Variants in DOCK1 observed in about 807,000 individuals in gnomAD.
DOCK1 encodes dedicator of cytokinesis protein 1.
DOCK1 carries 138 observed loss-of-function variants against 262.7 expected under a neutral mutation model. The ratio of observed to expected loss-of-function variants is 0.53; its 90% CI spans 0.46 to 0.61. The LOEUF (loss-of-function observed/expected upper bound fraction) is 0.61. DOCK1 is among the 20% of genes least tolerant of loss of function. The pLI, the probability that DOCK1 is intolerant of heterozygous loss-of-function variation, is 0.00. For missense variants in DOCK1, 1,908 were observed against 2,370.7 expected (o/e 0.80, Z 4.05); for synonymous variants, 866 against 867.4 (o/e 1.00, Z 0.03).
rs111805906 is a variant in DOCK1 at position 127,239,402 on chromosome 10, A to G, written c.2848-8606A>G. Among the ~76,000 whole-genome samples, 11 of 152,280 alleles carry G rather than the reference A, an allele frequency of 7.2e-5. 1 individual carries two copies. Among genetic ancestry groups the G allele is most frequent in the African/African-American group, 2.6e-4 (11 of 41,566 alleles). Reference sequence around the variant, plus strand: ...CATTTATTTAATGTTTTAATACTTTATAATACTTAAGTATCATCATAAACA... The same window carrying G: ...CATTTATTTAATGTTTTAATACTTTGTAATACTTAAGTATCATCATAAACA... On this transcript the variant is annotated intron_variant, in intron 27 of 51. Coordinates refer to ENST00000623213, the MANE Select transcript of DOCK1 (RefSeq NM_001290223.2).
In DOCK1 at chr10:127,439,074, A is replaced by G; in HGVS notation, c.5108A>G (p.Gln1703Arg). Reference protein sequence around the residue: ...LLPKKMHSRSQDKLDKDDLEK... With the variant: ...LLPKKMHSRSRDKLDKDDLEK... Reference sequence around the variant, plus strand: ...CCAAAGAAAATGCACTCCAGGTCCCAGGACAAGCTGGACAAGGATGACCTG... The same window carrying G: ...CCAAAGAAAATGCACTCCAGGTCCCGGGACAAGCTGGACAAGGATGACCTG... Residue 1703 changes from glutamine to arginine, a missense_variant, in exon 49 of 52, where the codon CAG becomes CGG. Transcript: ENST00000623213. 6.4e-7 allele frequency: 1 copy of G among 1,558,436 alleles called. No homozygotes were observed.
chr10:127,398,667 T>G (rs1024874095), intron 38 of DOCK1, among the ~76,000 whole-genome samples: 1 of 152,214 alleles, frequency 6.6e-6, no homozygotes, highest in Non-Finnish European at 1.5e-5. Context: ...TAGAAGAATG[T>G]CTGAAATTCA....
In DOCK1 at chr10:126,960,745, T is replaced by TATATATATATATATATAC. The variant is rs1429186588; in HGVS notation, c.47-9956_47-9955insTATATATATATATATACA. Among the ~76,000 whole-genome samples the TATATATATATATATATAC allele has an allele frequency of 5.6e-3, 651 of 115,276 alleles. 1 individual carries two copies. Among genetic ancestry groups the TATATATATATATATATAC allele is most frequent in the African/African-American group, 0.013 (329 of 24,978 alleles). 75.6% of individuals were successfully genotyped at this position (115,276 alleles called of 152,430 possible). ...TCAAATATATATATATATATATATATACACACACACACACACAGACACATA... is the reference window on the plus strand; with the variant it reads ...TCAAATATATATATATATATATATATATATATATATATATATACACACACACACACACACAGACACATA... On this transcript the variant is annotated intron_variant, in intron 1 of 51. Transcript: ENST00000623213.
At position 127,127,701 on chromosome 10, in the gene DOCK1, G is replaced by A. The variant is rs773654503; in HGVS notation, c.2784G>A (p.Met928Ile). The A allele has an allele frequency of 3.1e-6, 5 of 1,612,938 alleles. No individual in the cohort carries two copies. The South Asian group carries it at 4.4e-5, about 14-fold the overall frequency. ...CCCAGAGGCACGTCCAGATTATCAT[G>A]GAGAAACTTCTCCGGACCGTGAACC... ...GPTQRHVQII[M>I]EKLLRTVNRT... The change falls in exon 27 of 52, where the codon ATG (methionine) becomes ATA (isoleucine). Residue 928 changes from methionine (M) to isoleucine (I), a missense_variant. This residue lies in a region of DOCK1 where 518 missense variants were observed against 575.1 expected (regional missense o/e 0.90). Coordinates refer to ENST00000623213, the MANE Select transcript of DOCK1 (RefSeq NM_001290223.2).
intron 29 of DOCK1, among the ~76,000 whole-genome samples, chr10:127,265,052 T>C (rs1204115406): frequency 6.6e-6 from 1 of 152,170 alleles, no homozygotes; most frequent in Non-Finnish European, 1.5e-5. Context: ...ATTCTGCCCA[T>C]AGAAAACAGA....
intron 29 of DOCK1, among the ~76,000 whole-genome samples, chr10:127,263,695 C>A (rs900192768): frequency 3.3e-5 from 5 of 150,720 alleles, no homozygotes; most frequent in Non-Finnish European, 7.4e-5. Context: ...TGCTGGTATC[C>A]ATCCTGGAAC....
At chr10:127,360,121 G>C (rs771919718) in intron 32 of DOCK1, among the ~76,000 whole-genome samples, 13 of 152,154 alleles carry the variant, frequency 8.5e-5, no homozygotes, top group Admixed American at 8.5e-4. Flanking sequence ...ACTAAGGTTC[G>C]CAGCCCCATT....
intron 8 of DOCK1, chr10:126,998,651 T>C (rs2040378588): frequency 6.0e-6 from 1 of 165,450 alleles, no homozygotes; most frequent in South Asian, 1.7e-4. Context: ...GTGAGTTTTG[T>C]CTTGTTTTTT....
chr10:127,050,827 A>G (rs2044676513), intron 21 of DOCK1, among the ~76,000 whole-genome samples: 1 of 152,216 alleles, frequency 6.6e-6, no homozygotes, highest in South Asian at 2.1e-4. Flanking sequence ...AAGTTGATTA[A>G]TATATTTCTA....
intron 23 of DOCK1, among the ~76,000 whole-genome samples, chr10:127,093,242 C>CTTTCTTTCTTTCTTCTT (rs2047677186): frequency 1.3e-5 from 1 of 79,342 alleles, no homozygotes; most frequent in Non-Finnish European, 2.2e-5. Flanking sequence ...TTTCTTTCTT[C>CTTTCTTTCTTTCTTCTT]TTTTTTTTTT....
In DOCK1 at chr10:127,397,013, TGATCTGAGCATGAGTTACACGGGCGGCGA is replaced by T. The variant is rs1420317272; in HGVS notation, c.3928-6041_3928-6013del. 1.1e-3 allele frequency among the ~76,000 whole-genome samples: 150 copies of T among 137,228 alleles called. 1 individual carries two copies. The highest frequency in any genetic ancestry group is 3.8e-3 in the Middle Eastern group (1 of 266). The allele number at this position is 137,228 out of a possible 152,430, so 90.0% of individuals were successfully genotyped here. On this transcript the variant is annotated intron_variant, in intron 38 of 51. Coordinates refer to ENST00000623213, the MANE Select transcript of DOCK1 (RefSeq NM_001290223.2). Reference sequence around the variant, plus strand: ...AGTTACACGGGCAGCGACTCCTATGTGATCTGAGCATGAGTTACACGGGCGGCGACTCCTATGTGATCTGAGCATGAGTT... The same window carrying T: ...AGTTACACGGGCAGCGACTCCTATGTCTCCTATGTGATCTGAGCATGAGTT...
At chr10:127,295,622 G>T (rs1222828226) in intron 29 of DOCK1, among the ~76,000 whole-genome samples, 1 of 151,874 alleles carries the variant, frequency 6.6e-6, no homozygotes, top group Admixed American at 6.6e-5. Context: ...GGAATTTGAG[G>T]TTACAGTGAG....
intron 2 of DOCK1, among the ~76,000 whole-genome samples, chr10:126,975,932 A>G (rs888529641): frequency 1.3e-5 from 2 of 152,022 alleles, no homozygotes; most frequent in African/African-American, 4.8e-5. Context: ...TTTTCTTACT[A>G]TACTTAGTTG....
intron 29 of DOCK1, among the ~76,000 whole-genome samples, chr10:127,267,062 A>G (rs1184030907): frequency 6.6e-6 from 1 of 152,010 alleles, no homozygotes; most frequent in Non-Finnish European, 1.5e-5. Flanking sequence ...GATGCTCTGG[A>G]CCCTCCAGCA....
intron 35 of DOCK1, 134 bp downstream of exon 35, chr10:127,374,348 C>A: frequency 8.4e-7 from 1 of 1,186,614 alleles, no homozygotes; most frequent in Non-Finnish European, 1.1e-6. Context: ...TCGCTTGTTT[C>A]CTCATCTGCT....
chr10:127,314,852 C>G (rs1337582284), intron 29 of DOCK1, among the ~76,000 whole-genome samples: 1 of 152,212 alleles, frequency 6.6e-6, no homozygotes, highest in African/African-American at 2.4e-5. Context: ...CTGAAGCCAC[C>G]AGCATTGTAA....
chr10:127,199,458 C>T (rs2057358696), intron 27 of DOCK1, among the ~76,000 whole-genome samples: 2 of 152,130 alleles, frequency 1.3e-5, no homozygotes, highest in Non-Finnish European at 2.9e-5. Context: ...AAATACCAGT[C>T]AACAGTAGAT....
At chr10:127,048,117 T>C (rs1215432660) in intron 21 of DOCK1, among the ~76,000 whole-genome samples, 1 of 152,186 alleles carries the variant, frequency 6.6e-6, no homozygotes, top group Non-Finnish European at 1.5e-5. Context: ...TTGTACCATA[T>C]TGCATTCCCA....
chr10:127,333,437 T>C (rs986620164), intron 29 of DOCK1, among the ~76,000 whole-genome samples: 10 of 152,202 alleles, frequency 6.6e-5, no homozygotes, highest in African/African-American at 2.2e-4. Context: ...GGGCCTATAA[T>C]TGTGCCAGGA....
Sources: gnomAD v4.1 joint callset for allele counts (sites outside exome capture counted in the v4.1 genomes callset) on GRCh38, gnomAD v4.1.1 for gene constraint, gnomAD v4.1.1 regional missense constraint, MANE v1.5 for transcripts, NCBI Gene and HGNC (gene_info 2026-07-23, HGNC 2026-07-21) for gene names.